TBC1D23: variants seen among roughly 807,000 people sequenced by gnomAD.
The protein encoded by TBC1D23 is TBC1 domain family member 23, also known as HCV non-structural protein 4A-transactivated protein 1.
In TBC1D23, 55 loss-of-function variants were observed where a neutral mutation model predicts 91.4. The ratio of observed to expected loss-of-function variants is 0.60; its 90% CI spans 0.48 to 0.75. TBC1D23 has a LOEUF of 0.75. Among genes scored for constraint, TBC1D23 ranks in the 30% least tolerant of loss-of-function variants. The pLI is 0.00. For synonymous variants in TBC1D23, 289 were observed against 281.0 expected (o/e 1.03, Z -0.28); for missense variants, 725 against 836.1 (o/e 0.87, Z 1.64).
intron 1 of TBC1D23, among the ~76,000 whole-genome samples, chr3:100,268,593 A>G (rs925413427): frequency 6.6e-6 from 1 of 152,204 alleles, no homozygotes; most frequent in East Asian, 1.9e-4. Context: ...TACACTTTGG[A>G]TAAAGTGGAA....
intron 13 of TBC1D23, among the ~76,000 whole-genome samples, chr3:100,309,868 C>G (rs1422609151): frequency 6.6e-6 from 1 of 152,154 alleles, no homozygotes; most frequent in Non-Finnish European, 1.5e-5. Flanking sequence ...CTCGGCCTCC[C>G]AAAGTACTGG....
In TBC1D23 at chr3:100,290,637, A is replaced by G. The variant is rs1394256861; in HGVS notation, c.536A>G (p.Glu179Gly). 1 of 1,613,476 alleles carries G rather than the reference A, an allele frequency of 6.2e-7. No individual in the cohort carries two copies. The highest frequency in any genetic ancestry group is 1.1e-5 in the South Asian group (1 of 91,062). The change falls in exon 5 of 19, where the codon GAG becomes GGG. Residue 179 changes from glutamate (E) to glycine (G), a missense_variant. By Grantham distance (98) the Glu-to-Gly change is moderately conservative. Transcript: ENST00000394144. ...TTCAGGTTGCTCATCCAATACCATG[A>G]GCCTGAGCTTTGTTCTTATCTTGAT... Reference protein sequence around the residue: ...HLFRLLIQYHEPELCSYLDTK... With the variant: ...HLFRLLIQYHGPELCSYLDTK...
intron 4 of TBC1D23, among the ~76,000 whole-genome samples, chr3:100,287,324 C>G (rs921112482): frequency 1.3e-5 from 2 of 152,116 alleles, no homozygotes; most frequent in Non-Finnish European, 2.9e-5. Flanking sequence ...ACTAGCATGT[C>G]TTATTACAGT....
At chr3:100,309,299 A>G (rs1010277598) in intron 13 of TBC1D23, among the ~76,000 whole-genome samples, 2 of 152,258 alleles carry the variant, frequency 1.3e-5, no homozygotes, top group African/African-American at 2.4e-5. Flanking sequence ...GCAAACATTT[A>G]CAAGGGATAT....
At chr3:100,263,795 G>A (rs543438545) in intron 1 of TBC1D23, among the ~76,000 whole-genome samples, 2 of 152,304 alleles carry the variant, frequency 1.3e-5, no homozygotes, top group East Asian at 3.9e-4. Context: ...TGTTTCCACA[G>A]TTAAGGTGCC....
chr3:100,308,503 CAG>C (rs1705559061), intron 13 of TBC1D23, among the ~76,000 whole-genome samples: 1 of 151,686 alleles, frequency 6.6e-6, no homozygotes, highest in East Asian at 1.9e-4. Flanking sequence ...TTGAAAGTAA[CAG>C]ATGTTCATTT....
chr3:100,306,463 A>C lies in TBC1D23; in HGVS notation c.1333A>C (p.Asn445His). 2 of 1,611,488 alleles carry C rather than the reference A, an allele frequency of 1.2e-6. No individual in the cohort carries two copies. Among genetic ancestry groups the C allele is most frequent in the South Asian group, 2.2e-5 (2 of 91,020 alleles). Residue 445 changes from asparagine to histidine, a missense_variant, in exon 13 of 19, where the codon AAT (asparagine) becomes CAT (histidine). By Grantham distance (68) the Asn-to-His change is moderately conservative (BLOSUM62 1). Coordinates refer to ENST00000394144, the MANE Select transcript of TBC1D23 (RefSeq NM_001199198.3). ...ACTGCAGCAGCACCTGGCAGACATTAATGTGGATGGACCAGAAAATGGATA... is the reference window on the plus strand; with the variant it reads ...ACTGCAGCAGCACCTGGCAGACATTCATGTGGATGGACCAGAAAATGGATA... ...MALQQHLADI[N>H]VDGPENGYGH...
intron 16 of TBC1D23, 150 bp downstream of exon 16, chr3:100,316,337 G>A: frequency 1.6e-6 from 1 of 638,150 alleles, no homozygotes; most frequent in Non-Finnish European, 2.7e-6. Flanking sequence ...TTAAGAGTTT[G>A]GTTTTAGACA....
At chr3:100,306,746 C>T (rs1705524448) in intron 13 of TBC1D23, among the ~76,000 whole-genome samples, 1 of 146,408 alleles carries the variant, frequency 6.8e-6, no homozygotes, top group African/African-American at 2.7e-5. Flanking sequence ...AGCAAGCCTT[C>T]ACAGTTAAAC....
At position 100,311,829 on chromosome 3, in the gene TBC1D23, A is replaced by G. The variant is rs199619948; in HGVS notation, c.1554-4A>G. ...GTTCTGTCCTCTGCCTTGATTTGCT[A>G]TAGAATGTCTTTCAATCTTCCTTGG... On this transcript the variant is annotated splice_polypyrimidine_tract_variant and splice_region_variant and intron_variant, in intron 14 of 18. Transcript: ENST00000394144. The G allele has an allele frequency of 3.3e-4, 499 of 1,532,290 alleles. 3 individuals carry two copies. The highest frequency in any genetic ancestry group is 1.9e-4 in the Non-Finnish European group (217 of 1,143,330). 94.9% of individuals were successfully genotyped at this position (1,532,290 alleles called of 1,614,324 possible).
intron 13 of TBC1D23, among the ~76,000 whole-genome samples, chr3:100,310,065 G>T (rs1340454779): frequency 1.3e-5 from 2 of 152,218 alleles, no homozygotes; most frequent in Admixed American, 1.3e-4. Flanking sequence ...GGCAGGTTTA[G>T]TTTATCCTGA....
At chr3:100,277,197 T>A (rs964988546) in intron 1 of TBC1D23, among the ~76,000 whole-genome samples, 3 of 152,258 alleles carry the variant, frequency 2.0e-5, no homozygotes, top group Non-Finnish European at 2.9e-5. Flanking sequence ...ATAGAATTCT[T>A]ATCTCTGATT....
chr3:100,321,990 T>A (rs1329152636), intron 18 of TBC1D23, among the ~76,000 whole-genome samples: 3 of 152,134 alleles, frequency 2.0e-5, no homozygotes, highest in African/African-American at 4.8e-5. Context: ...ATTTCTCTAC[T>A]AAAAACTAGA....
chr3:100,324,198 T>C lies in TBC1D23; in HGVS notation c.*530T>C, dbSNP rs1307879992. On this transcript the variant is annotated 3_prime_UTR_variant, in exon 19 of 19. Coordinates refer to ENST00000394144, the MANE Select transcript of TBC1D23 (RefSeq NM_001199198.3). ...GAGTGAAATCTTTTTAATGGAATGGTTGAAGATTCCTGCCAACTCAAAATA... is the reference window on the plus strand; with the variant it reads ...GAGTGAAATCTTTTTAATGGAATGGCTGAAGATTCCTGCCAACTCAAAATA... 1 of 152,228 alleles carries C rather than the reference T, an allele frequency of 6.6e-6. No homozygotes were observed. The highest frequency in any genetic ancestry group is 1.5e-5 in the Non-Finnish European group (1 of 68,036). 9.4% of individuals were successfully genotyped at this position (152,228 alleles called of 1,614,324 possible).
rs1010306505 is a variant in TBC1D23 at position 100,296,104 on chromosome 3, G to A, written c.773-68G>A. The A allele has an allele frequency of 3.3e-5, 27 of 806,872 alleles. No homozygotes were observed. The Admixed American group carries it at 3.4e-4, about 10-fold the overall frequency. 50.0% of individuals were successfully genotyped at this position (806,872 alleles called of 1,614,324 possible). A position where few individuals can be genotyped will look rare whatever the true frequency, so the allele number is the denominator to read the frequency against. On this transcript the variant is annotated intron_variant, in intron 7 of 18. Coordinates refer to ENST00000394144, the MANE Select transcript of TBC1D23 (RefSeq NM_001199198.3). ...ATAGTATTTATGATGAAGATATTTC[G>A]GCTCTGATACATAAACAATATTTGC...
chr3:100,318,166 T>A (rs1049071025), intron 16 of TBC1D23, among the ~76,000 whole-genome samples: 4 of 151,412 alleles, frequency 2.6e-5, no homozygotes, highest in African/African-American at 7.3e-5. Flanking sequence ...AACGTGCGAT[T>A]TCCTTTTTCA....
intron 13 of TBC1D23, among the ~76,000 whole-genome samples, chr3:100,308,978 T>C (rs1705568894): frequency 6.6e-6 from 1 of 152,224 alleles, no homozygotes; most frequent in Non-Finnish European, 1.5e-5. Flanking sequence ...CCCAGCATTA[T>C]GGGAATCCGA....
chr3:100,274,879 A>G (rs1187185367), intron 1 of TBC1D23, among the ~76,000 whole-genome samples: 3 of 144,788 alleles, frequency 2.1e-5, no homozygotes, highest in Admixed American at 7.3e-5. Flanking sequence ...ACATATATCT[A>G]TGCATACAGT....
chr3:100,271,548 C>CAAGAGA (rs2067599656), intron 1 of TBC1D23, among the ~76,000 whole-genome samples: 1 of 152,100 alleles, frequency 6.6e-6, no homozygotes. Flanking sequence ...ATACGTAAGT[C>CAAGAGA]TCCTGTGGAT....
Sources: gnomAD v4.1 joint callset for allele counts (sites outside exome capture counted in the v4.1 genomes callset) on GRCh38, gnomAD v4.1.1 for gene constraint, MANE v1.5 for transcripts, NCBI Gene and HGNC (gene_info 2026-07-23, HGNC 2026-07-21) for gene names.